CHMP6: variants seen among roughly 807,000 people sequenced by gnomAD.
CHMP6 encodes charged multivesicular body protein 6, also known as chromatin-modifying protein 6.
A neutral mutation model predicts 32.8 loss-of-function variants in CHMP6; 10 were observed. The observed-to-expected ratio is 0.30, with a 90% CI of 0.19 to 0.52. CHMP6 has a LOEUF of 0.52. Among genes scored for constraint, CHMP6 ranks in the 20% least tolerant of loss-of-function variants. The pLI, the probability that CHMP6 is intolerant of heterozygous loss-of-function variation, is 0.97. For synonymous variants in CHMP6, 123 were observed against 105.8 expected (o/e 1.16, Z -1.00); for missense variants, 269 against 263.8 (o/e 1.02, Z -0.14).
rs746599881 is a variant in CHMP6, at chr17:80,994,653, G to A, written c.136G>A (p.Ala46Thr). The A allele has an allele frequency of 3.2e-5, 51 of 1,582,574 alleles. No homozygotes were observed. Among genetic ancestry groups the A allele is most frequent in the Middle Eastern group, 3.3e-4 (2 of 6,032 alleles). ...RIAQQLERER[A>T]LARQLLRDGR... ...CGCCCAGCAGCTGGAGCGCGAGCGCGCCCTGGCCCGGCAGCTGCTGCGGGA... is the reference window on the plus strand; with the variant it reads ...CGCCCAGCAGCTGGAGCGCGAGCGCACCCTGGCCCGGCAGCTGCTGCGGGA... Residue 46 changes from alanine (A) to threonine (T), a missense_variant, in exon 2 of 8, where the codon GCC (alanine) becomes ACC (threonine). Transcript: ENST00000325167.
rs747860727 is a variant in CHMP6 at position 80,999,129 on chromosome 17, G to T, written c.582G>T (p.Gln194His). Residue 194 changes from glutamine to histidine, a missense_variant, in exon 8 of 8, where the codon CAG becomes CAT. By Grantham distance (24) the Gln-to-His change is conservative (BLOSUM62 0). Coordinates refer to ENST00000325167, the MANE Select transcript of CHMP6 (RefSeq NM_024591.5). ...ENVPVKARPRQAELVAAS is the reference protein window; with the variant it reads ...ENVPVKARPRHAELVAAS ...TCCCTGTCAAGGCCAGGCCCAGGCAGGCGGAGCTGGTGGCAGCTTCGTAAC... is the reference window on the plus strand; with the variant it reads ...TCCCTGTCAAGGCCAGGCCCAGGCATGCGGAGCTGGTGGCAGCTTCGTAAC... 6.2e-7 allele frequency: 1 copy of T among 1,614,026 alleles called. No homozygotes were observed. Among genetic ancestry groups the T allele is most frequent in the Admixed American group, 1.7e-5 (1 of 60,024 alleles).
At position 80,992,515 on chromosome 17, in the gene CHMP6, G is replaced by A. The variant is rs145390211; in HGVS notation, c.63+534G>A. Among the ~76,000 whole-genome samples the A allele has an allele frequency of 7.1e-3, 1,077 of 152,350 alleles. 12 individuals are homozygous for A. The highest frequency in any genetic ancestry group is 0.024 in the African/African-American group (1,011 of 41,586). Reference sequence around the variant, plus strand: ...CCCTCACCCCATCCAGGCCAGGACTGGAAGGAAGTCTGCCCTGGTCCGAGG... The same window carrying A: ...CCCTCACCCCATCCAGGCCAGGACTAGAAGGAAGTCTGCCCTGGTCCGAGG... On this transcript the variant is annotated intron_variant, in intron 1 of 7. Coordinates refer to ENST00000325167, the MANE Select transcript of CHMP6 (RefSeq NM_024591.5).
intron 1 of CHMP6, among the ~76,000 whole-genome samples, chr17:80,993,965 C>T (rs1235597063): frequency 6.6e-6 from 1 of 152,010 alleles, no homozygotes; most frequent in East Asian, 1.9e-4. Flanking sequence ...CAGGCTGGAA[C>T]ACAGTGGCAT....
chr17:80,995,233 A>G, intron 3 of CHMP6, 127 bp downstream of exon 3: 1 of 884,686 alleles, frequency 1.1e-6, no homozygotes, highest in Non-Finnish European at 1.7e-6. Flanking sequence ...GCTGAAGCTG[A>G]CCTGAAGAGG....
At chr17:80,994,534 G>A in intron 1 of CHMP6, 47 bp from the exon 2 acceptor site, 1 of 1,499,436 alleles carries the variant, frequency 6.7e-7, no homozygotes, top group Non-Finnish European at 9.0e-7. Context: ...CGTGGCCAGG[G>A]CTCCCAGTGT....
chr17:80,997,125 C>T (rs891476875), intron 5 of CHMP6, 53 bp downstream of exon 5: 7 of 1,606,910 alleles, frequency 4.4e-6, no homozygotes, highest in Non-Finnish European at 5.1e-6. Flanking sequence ...CACAAGGCCA[C>T]CCTCGAGGGC....
Position 80,995,746 on chromosome 17 carries a change from C to T in CHMP6, c.336C>T (p.Asn112=). 2 of 1,613,958 alleles carry T rather than the reference C, an allele frequency of 1.2e-6. No individual in the cohort carries two copies. Among genetic ancestry groups the T allele is most frequent in the Non-Finnish European group, 8.5e-7 (1 of 1,179,886 alleles). Residue 112 remains asparagine, a synonymous_variant, in exon 4 of 8, where the codon AAC becomes AAT. Coordinates refer to ENST00000325167, the MANE Select transcript of CHMP6 (RefSeq NM_024591.5). ...EGLQFGNECL[N]KMHQVMSIEE... is the part of the protein sequence containing the mutation. ...TGCAGTTTGGAAATGAGTGTCTGAA[C>T]AAGATGCACCAGGTGAGTCTCTGCA...
In CHMP6 at chr17:80,999,257, CGCACGGTGCTGA is replaced by C. The variant is rs1307921511; in HGVS notation, c.*108_*119del. The C allele has an allele frequency of 2.3e-6, 3 of 1,328,806 alleles. No individual in the cohort carries two copies. Among genetic ancestry groups the C allele is most frequent in the Non-Finnish European group, 3.2e-6 (3 of 929,530 alleles). The allele number at this position is 1,328,806 out of a possible 1,614,324, so 82.3% of individuals were successfully genotyped here. ...TGACCGGGTTCCCTGGAGCCCAGTG[CGCACGGTGCTGA>C]GCAGAGCTGCAGCCACGCAGGCGCA... On this transcript the variant is annotated 3_prime_UTR_variant, in exon 8 of 8. Coordinates refer to ENST00000325167, the MANE Select transcript of CHMP6 (RefSeq NM_024591.5).
chr17:80,999,388 C>A lies in CHMP6; in HGVS notation c.*235C>A. The A allele has an allele frequency of 2.0e-6, 1 of 504,990 alleles. No homozygotes were observed. Among genetic ancestry groups the A allele is most frequent in the Non-Finnish European group, 3.6e-6 (1 of 279,268 alleles). The allele number at this position is 504,990 out of a possible 1,614,324, so 31.3% of individuals were successfully genotyped here. The stretch of plus-strand genomic sequence containing the variant: ...CTCTCAGTCCGGATTAACTCTCGAC[C>A]GAGCCCAGCTTCTGCCGGTTGTGGG... On this transcript the variant is annotated 3_prime_UTR_variant, in exon 8 of 8. Coordinates refer to ENST00000325167, the MANE Select transcript of CHMP6 (RefSeq NM_024591.5).
Position 80,999,226 on chromosome 17 carries a change from A to C in CHMP6, c.*73A>C, listed in dbSNP as rs562720853. On this transcript the variant is annotated 3_prime_UTR_variant, in exon 8 of 8. Coordinates refer to ENST00000325167, the MANE Select transcript of CHMP6 (RefSeq NM_024591.5). ...CCCACAGAGAGTTTGGGTCACGGCCAGCCCCTGACCGGGTTCCCTGGAGCC... is the reference window on the plus strand; with the variant it reads ...CCCACAGAGAGTTTGGGTCACGGCCCGCCCCTGACCGGGTTCCCTGGAGCC... 173 of 1,569,158 alleles carry C rather than the reference A, an allele frequency of 1.1e-4. No homozygotes were observed. The East Asian group carries it at 2.5e-3, about 23-fold the overall frequency.
rs763177718 is a variant in CHMP6, at chr17:80,997,298, A to T, written c.452A>T (p.Glu151Val). The T allele has an allele frequency of 2.3e-5, 37 of 1,611,242 alleles. No homozygotes were observed. The highest frequency in any genetic ancestry group is 2.7e-5 in the Non-Finnish European group (32 of 1,178,346). ...CTCCTGGCAGGAAGCTTCACTCAGG[A>T]GGATGAAGACGCCATCCTGGAGGAG... ...DELLAGSFTQ[E>V]DEDAILEELS... The change falls in exon 6 of 8, where the codon GAG becomes GTG. Residue 151 changes from glutamate to valine, a missense_variant. Physicochemically the swap from Glu to Val is moderately radical, Grantham distance 121. Coordinates refer to ENST00000325167, the MANE Select transcript of CHMP6 (RefSeq NM_024591.5).
At chr17:80,995,198 TGAAAGC>T in intron 3 of CHMP6, 92 bp downstream of exon 3, 1 of 1,263,140 alleles carries the variant, frequency 7.9e-7, no homozygotes, top group Non-Finnish European at 1.1e-6. Context: ...TCCCGAGAGC[TGAAAGC>T]TCCTCTCAGA....
At chr17:80,993,327 C>G (rs2069609477) in intron 1 of CHMP6, among the ~76,000 whole-genome samples, 2 of 152,186 alleles carry the variant, frequency 1.3e-5, no homozygotes, top group Non-Finnish European at 2.9e-5. Flanking sequence ...TGACCCTCCA[C>G]TGAGACCTTG....
rs148861093 is a variant in CHMP6, at chr17:80,995,698, C to T, written c.288C>T (p.Ile96=). Residue 96 remains isoleucine (I), a synonymous_variant, in exon 4 of 8, where the codon ATC becomes ATT. Coordinates refer to ENST00000325167, the MANE Select transcript of CHMP6 (RefSeq NM_024591.5). ...TTCAGAGTATTGAGTTCACCCAGAT[C>T]GAAATGAAAGTGATGGAGGGGCTGC... ...AMVQSIEFTQ[I]EMKVMEGLQF... 112 of 1,614,054 alleles carry T rather than the reference C, an allele frequency of 6.9e-5. No individual in the cohort carries two copies. Among genetic ancestry groups the T allele is most frequent in the Middle Eastern group, 3.3e-4 (2 of 6,060 alleles).
At chr17:80,999,075 A>C (rs761080139) in intron 7 of CHMP6, 23 bp from the exon 8 acceptor site, 1 of 1,613,596 alleles carries the variant, frequency 6.2e-7, no homozygotes, top group Non-Finnish European at 8.5e-7. Flanking sequence ...GGCGTGTCAT[A>C]AACATCTCTG....
chr17:80,998,476 T>G (rs767083197), intron 7 of CHMP6, 56 bp downstream of exon 7: 3 of 1,613,450 alleles, frequency 1.9e-6, no homozygotes, highest in East Asian at 2.2e-5. Flanking sequence ...AAAAGTGGAT[T>G]CTAGAAGGGA....
intron 1 of CHMP6, among the ~76,000 whole-genome samples, chr17:80,993,199 C>T (rs1052880718): frequency 6.6e-6 from 1 of 152,180 alleles, no homozygotes; most frequent in Non-Finnish European, 1.5e-5. Flanking sequence ...TGCGGGCTGC[C>T]GTAGGTCTCC....
intron 1 of CHMP6, among the ~76,000 whole-genome samples, chr17:80,993,746 G>C (rs56184339): frequency 6.6e-6 from 1 of 152,224 alleles, no homozygotes; most frequent in East Asian, 1.9e-4. Context: ...GGCGGTCAGC[G>C]GGGCCGAGTG....
chr17:80,995,906 G>A, intron 4 of CHMP6, 148 bp downstream of exon 4: 1 of 681,502 alleles, frequency 1.5e-6, no homozygotes, highest in African/African-American at 1.8e-5. Flanking sequence ...CTGCCAGGCA[G>A]GCAGGGATGC....
Sources: allele counts gnomAD v4.1 joint callset (sites outside exome capture counted in the v4.1 genomes callset), GRCh38; gene constraint gnomAD v4.1.1; transcripts MANE v1.5; gene names NCBI Gene and HGNC (gene_info 2026-07-23, HGNC 2026-07-21).